Variants in ACTMAP observed in about 807,000 individuals in gnomAD.
The protein encoded by ACTMAP is actin maturation protease.
At chr19:40,744,491 C>T in the ACTMAP span, 1 of 1,588,112 alleles carries the variant, frequency 6.3e-7, no homozygotes. Context: ...CGGCTGCCAG[C>T]ATCCCACCCA....
chr19:40,743,199 C>T, the ACTMAP span, among the ~76,000 whole-genome samples: 11 of 151,160 alleles, frequency 7.3e-5, no homozygotes, highest in East Asian at 2.0e-3. Context: ...GCTGGTAATA[C>T]TTACAGAGAC....
chr19:40,747,983 G>A, the ACTMAP span, among the ~76,000 whole-genome samples: 1 of 152,320 alleles, frequency 6.6e-6, no homozygotes, highest in Non-Finnish European at 1.5e-5. Flanking sequence ...ACTTCTATGA[G>A]CCTCAGTTTT....
At chr19:40,745,195 G>C in the ACTMAP span, 1 of 1,551,832 alleles carries the variant, frequency 6.4e-7, no homozygotes, top group South Asian at 1.2e-5. Context: ...GGTCACCTCG[G>C]AACCTGAAGC....
the ACTMAP span, chr19:40,741,842 C>T: frequency 2.2e-6 from 1 of 456,538 alleles, no homozygotes; most frequent in South Asian, 1.5e-5. Flanking sequence ...GCACAGGTAA[C>T]TGCTCCCAGA....
chr19:40,749,170 T>C, the ACTMAP span, among the ~76,000 whole-genome samples: 1 of 151,920 alleles, frequency 6.6e-6, no homozygotes, highest in Non-Finnish European at 1.5e-5. Context: ...TTTGTATTTT[T>C]AATAGAGATG....
At chr19:40,742,488 C>T in the ACTMAP span, 70 of 1,502,438 alleles carry the variant, frequency 4.7e-5, 1 homozygote, top group African/African-American at 7.2e-4. Flanking sequence ...GAGGCCAGCC[C>T]GTACCCCACC....
chr19:40,747,357 C>T, the ACTMAP span, among the ~76,000 whole-genome samples: 6 of 151,464 alleles, frequency 4.0e-5, no homozygotes, highest in East Asian at 3.9e-4. Flanking sequence ...GCCAACAAGA[C>T]GACAGCCCGT....
the ACTMAP span, among the ~76,000 whole-genome samples, chr19:40,746,763 G>A: frequency 6.6e-6 from 1 of 151,986 alleles, no homozygotes; most frequent in Non-Finnish European, 1.5e-5. Flanking sequence ...ACCCGCCTCA[G>A]CCTCTGAAAA....
chr19:40,744,175 G>A, the ACTMAP span: 1 of 1,595,082 alleles, frequency 6.3e-7, no homozygotes. Context: ...CACCTCCTGG[G>A]CCAGCCTGCC....
the ACTMAP span, chr19:40,740,864 C>T: frequency 3.5e-5 from 14 of 397,726 alleles, no homozygotes; most frequent in Admixed American, 2.6e-4. Flanking sequence ...GAGCCAATGT[C>T]GTAGAGCTTT....
chr19:40,745,319 A>G, the ACTMAP span: 1 of 946,064 alleles, frequency 1.1e-6, no homozygotes, highest in African/African-American at 1.6e-5. Flanking sequence ...GGCTGTCCTA[A>G]GGCTGAAGGC....
chr19:40,742,793 G>C, the ACTMAP span: 1 of 1,582,938 alleles, frequency 6.3e-7, no homozygotes, highest in African/African-American at 1.3e-5. Context: ...AGAAGGTGGT[G>C]AGTGGCAGTG....
the ACTMAP span, chr19:40,749,584 C>A: frequency 1.3e-6 from 2 of 1,551,128 alleles, no homozygotes; most frequent in Admixed American, 3.9e-5. Context: ...TTCTCCAGGC[C>A]GAAGACATGA....
chr19:40,741,400 G>A, the ACTMAP span: 5 of 210,054 alleles, frequency 2.4e-5, no homozygotes, highest in Admixed American at 5.3e-5. Flanking sequence ...CTGAGATCAC[G>A]CCACCGCACT....
the ACTMAP span, chr19:40,742,429 G>A: frequency 9.6e-6 from 14 of 1,455,194 alleles, no homozygotes; most frequent in African/African-American, 7.2e-5. Flanking sequence ...GACCGCAGCC[G>A]CAGCTAATGG....
the ACTMAP span, chr19:40,744,557 A>T: frequency 6.2e-7 from 1 of 1,613,326 alleles, no homozygotes; most frequent in African/African-American, 1.3e-5. Flanking sequence ...CACCCAGCTC[A>T]CCTGAGAACA....
chr19:40,742,265 C>T, the ACTMAP span: 1 of 764,566 alleles, frequency 1.3e-6, no homozygotes, highest in South Asian at 1.6e-5. Flanking sequence ...CAATCTCTCC[C>T]TAGAGGGACC....
the ACTMAP span, among the ~76,000 whole-genome samples, chr19:40,743,120 C>A: frequency 6.6e-6 from 1 of 152,156 alleles, no homozygotes; most frequent in Admixed American, 6.5e-5. Flanking sequence ...AGCGGAGCCT[C>A]CCCCGGACCT....
At chr19:40,749,974 A>G in the ACTMAP span, 1 of 521,172 alleles carries the variant, frequency 1.9e-6, no homozygotes, top group East Asian at 3.5e-5. Flanking sequence ...AAACCACGGG[A>G]GCAGGAATTG....
Sources: gnomAD v4.1 joint callset for allele counts (sites outside exome capture counted in the v4.1 genomes callset) on GRCh38, gnomAD v4.1.1 for gene constraint, MANE v1.5 for transcripts, NCBI Gene and HGNC (gene_info 2026-07-23, HGNC 2026-07-21) for gene names.